Variants in HHLA1 observed in about 807,000 individuals in gnomAD.
The protein encoded by HHLA1 is HHLA1 neighbor of OC90.
A neutral mutation model predicts 69.9 loss-of-function variants in HHLA1; 72 were observed. The ratio of observed to expected loss-of-function variants is 1.03; its 90% confidence interval spans 0.85 to 1.25. HHLA1 has a LOEUF of 1.25. HHLA1 is among the 50% of genes most tolerant of loss of function. The pLI is 0.00. For missense variants in HHLA1, 685 were observed against 642.2 expected, an observed-to-expected ratio of 1.07 and a Z score of -0.72; for synonymous variants, 252 against 233.2, an observed-to-expected ratio of 1.08 and a Z score of -0.73.
chr8:132,087,145 C>G (rs1278076409), intron 10 of HHLA1, among the ~76,000 whole-genome samples: 1 of 152,134 alleles, frequency 6.6e-6, no homozygotes, highest in Non-Finnish European at 1.5e-5. Context: ...TGGCAATTGA[C>G]AGGCAAATAG....
At position 132,078,238 on chromosome 8, in the gene HHLA1, C is replaced by T. The variant is rs552545219; in HGVS notation, c.926-267G>A. 2.0e-4 allele frequency among the ~76,000 whole-genome samples: 30 copies of T among 151,382 alleles called. No individual in the cohort carries two copies. In the South Asian group the frequency reaches 4.4e-3, roughly 22 times the overall value. ...ACCTCTAAATCTCTAGGACCCCAGG[C>T]GTGTGTGTTTGGGGGTCAGTTAGCT... On this transcript the variant is annotated intron_variant, in intron 11 of 16. Coordinates refer to ENST00000414222, the MANE Select transcript of HHLA1 (RefSeq NM_001145095.3).
At chr8:132,108,782 CAAG>C (rs1249787882) in intron 1 of HHLA1, among the ~76,000 whole-genome samples, 1 of 151,858 alleles carries the variant, frequency 6.6e-6, no homozygotes, top group Admixed American at 6.6e-5. Flanking sequence ...GTTTTATGGC[CAAG>C]AAGAAGACGG....
At chr8:132,082,278 T>G (rs1823765687) in intron 10 of HHLA1, among the ~76,000 whole-genome samples, 2 of 152,186 alleles carry the variant, frequency 1.3e-5, no homozygotes, top group African/African-American at 4.8e-5. Context: ...TAGTTTGTGA[T>G]TTTGAGGGCC....
chr8:132,083,734 G>A (rs1299212553), intron 10 of HHLA1, among the ~76,000 whole-genome samples: 10 of 152,206 alleles, frequency 6.6e-5, no homozygotes, highest in South Asian at 4.1e-4. Context: ...CTGGAGGAAC[G>A]CCTGGCCGCT....
intron 15 of HHLA1, among the ~76,000 whole-genome samples, chr8:132,067,166 T>A (rs1292201073): frequency 6.6e-6 from 1 of 152,118 alleles, no homozygotes; most frequent in East Asian, 1.9e-4. Flanking sequence ...GTTATGAGGA[T>A]TCCTTGTGGA....
intron 11 of HHLA1, 120 bp from the exon 12 acceptor site, chr8:132,078,091 T>C (rs903666528): frequency 4.5e-5 from 50 of 1,103,892 alleles, no homozygotes; most frequent in Non-Finnish European, 5.8e-5. Context: ...ACGTGTAATA[T>C]AAGTAATCCA....
chr8:132,080,632 G>T (rs7463953), intron 10 of HHLA1: 2 of 159,252 alleles, frequency 1.3e-5, no homozygotes, highest in African/African-American at 4.8e-5. Context: ...CCATCTGGGC[G>T]TATAGGTGCA....
intron 1 of HHLA1, among the ~76,000 whole-genome samples, chr8:132,107,914 C>T (rs1454686434): frequency 2.6e-5 from 4 of 152,198 alleles, no homozygotes; most frequent in East Asian, 3.9e-4. Flanking sequence ...TCTGGCCTTA[C>T]GCTTCCCTTT....
intron 1 of HHLA1, 92 bp downstream of exon 1, chr8:132,111,010 G>A (rs1455992235): frequency 6.6e-6 from 1 of 152,228 alleles, no homozygotes; most frequent in Admixed American, 6.5e-5. Flanking sequence ...CAGAGCTCAG[G>A]ATTATAGCAG....
chr8:132,101,240 T>A (rs1212325908), intron 3 of HHLA1: 5 of 1,550,392 alleles, frequency 3.2e-6, no homozygotes, highest in Non-Finnish European at 3.5e-6. Context: ...GAATGTCCCA[T>A]CTTTTTCCTT....
chr8:132,099,064 T>A lies in HHLA1; in HGVS notation c.200-102A>T, dbSNP rs537947182. ...GGCAGATATTCAACTTCTTTGCACA[T>A]GTGCTGAAAACAAACCAAGTGCCAG... On this transcript the variant is annotated intron_variant, in intron 4 of 16. Coordinates refer to ENST00000414222, the MANE Select transcript of HHLA1 (RefSeq NM_001145095.3). 2.7e-5 allele frequency: 23 copies of A among 839,394 alleles called. No individual in the cohort carries two copies. In the African/African-American group the frequency reaches 3.6e-4, roughly 13 times the overall value. 52.0% of individuals were successfully genotyped at this position (839,394 alleles called of 1,614,324 possible).
chr8:132,090,123 CT>C (rs900735485), intron 7 of HHLA1, among the ~76,000 whole-genome samples: 1 of 152,172 alleles, frequency 6.6e-6, no homozygotes, highest in Non-Finnish European at 1.5e-5. Flanking sequence ...CTTCTGCCCC[CT>C]TTTTAAAGGA....
chr8:132,104,576 G>C (rs1586736636), intron 2 of HHLA1, among the ~76,000 whole-genome samples: 2 of 152,292 alleles, frequency 1.3e-5, no homozygotes, highest in East Asian at 3.9e-4. Context: ...TATCTAATTG[G>C]GGGAATATTT....
chr8:132,093,467 A>G (rs1202952885), intron 7 of HHLA1, among the ~76,000 whole-genome samples: 1 of 152,240 alleles, frequency 6.6e-6, no homozygotes, highest in Non-Finnish European at 1.5e-5. Flanking sequence ...CCAGATCTAA[A>G]GATCATCCAC....
chr8:132,083,780 G>A (rs1263864520), intron 10 of HHLA1, among the ~76,000 whole-genome samples: 1 of 152,190 alleles, frequency 6.6e-6, no homozygotes, highest in Non-Finnish European at 1.5e-5. Flanking sequence ...GTGTGCTGGA[G>A]ATGTGGCTGG....
At chr8:132,093,883 A>T (rs186918703) in intron 7 of HHLA1, among the ~76,000 whole-genome samples, 20 of 152,328 alleles carry the variant, frequency 1.3e-4, no homozygotes, top group Non-Finnish European at 1.5e-4. Flanking sequence ...TTCACAGGGT[A>T]AATTACATAA....
intron 10 of HHLA1, chr8:132,085,566 G>T (rs1309027043): frequency 3.9e-6 from 1 of 255,966 alleles, no homozygotes; most frequent in Non-Finnish European, 7.7e-6. Context: ...GCGCGTCCGT[G>T]TGAAGAGACC....
At chr8:132,076,261 G>A (rs1003568345) in intron 13 of HHLA1, 132 bp from the exon 14 acceptor site, 1 of 783,364 alleles carries the variant, frequency 1.3e-6, no homozygotes, top group East Asian at 2.7e-5. Context: ...GCCAAAAAAG[G>A]GGAAGTGATT....
rs1823630557 is a variant in HHLA1 at position 132,075,943 on chromosome 8, A to T, written c.1315+112T>A. On this transcript the variant is annotated intron_variant, in intron 14 of 16. Coordinates refer to ENST00000414222, the MANE Select transcript of HHLA1 (RefSeq NM_001145095.3). Reference sequence around the variant, plus strand: ...AGTAAATGGCTGAGCTAAGATTTGAATCCCATGAGTCTGATTTTCTAAATT... The same window carrying T: ...AGTAAATGGCTGAGCTAAGATTTGATTCCCATGAGTCTGATTTTCTAAATT... 14 of 751,414 alleles carry T rather than the reference A, an allele frequency of 1.9e-5. No homozygotes were observed. The South Asian group carries it at 2.6e-4, about 14-fold the overall frequency. The allele number at this position is 751,414 out of a possible 1,614,324, so 46.5% of individuals were successfully genotyped here. A position where few individuals can be genotyped will look rare whatever the true frequency, so the allele number is the denominator to read the frequency against.
Sources: allele counts gnomAD v4.1 joint callset (sites outside exome capture counted in the v4.1 genomes callset), GRCh38; gene constraint gnomAD v4.1.1; transcripts MANE v1.5; gene names NCBI Gene and HGNC (gene_info 2026-07-23, HGNC 2026-07-21).